The following LPCAT1 variants were observed in gnomAD, a reference collection of about 807,000 sequenced individuals.
LPCAT1 encodes the protein 1-acylglycerol-3-phosphate O-acyltransferase.
Under a neutral mutation model 60.9 loss-of-function variants are expected in LPCAT1, and 23 were observed. That is an observed-to-expected ratio of 0.38 (90% CI 0.27 to 0.53). LPCAT1 has a LOEUF of 0.53. Ranked by LOEUF, LPCAT1 falls within the 20% of genes least tolerant of loss-of-function variation. The probability of loss-of-function intolerance (pLI) is 0.82; values close to 1 mark genes in which losing one functional copy is unlikely to be tolerated. For synonymous variants in LPCAT1, 340 were observed against 301.1 expected (o/e 1.13, Z -1.34); for missense variants, 622 against 723.6 (o/e 0.86, Z 1.61).
At position 1,521,591 on chromosome 5, in the gene LPCAT1, G is replaced by T; in HGVS notation, c.135+2119C>A. 1 of 481,924 alleles carries T rather than the reference G, an allele frequency of 2.1e-6. No individual in the cohort carries two copies. The highest frequency in any genetic ancestry group is 2.7e-6 in the Non-Finnish European group (1 of 370,164). The allele number at this position is 481,924 out of a possible 1,614,324, so 29.9% of individuals were successfully genotyped here. ...GAACGTTTACAAACTAAACCCTTGAGCCACACATTGCAGACATCCAGCAGA... is the reference window on the plus strand; with the variant it reads ...GAACGTTTACAAACTAAACCCTTGATCCACACATTGCAGACATCCAGCAGA... On this transcript the variant is annotated intron_variant, in intron 1 of 13. Coordinates refer to ENST00000283415, the MANE Select transcript of LPCAT1 (RefSeq NM_024830.5). The surrounding 1 kb of genome is among the most constrained non-coding windows in gnomAD (Gnocchi z 4.3).
chr5:1,469,746 A>G (rs34332639), intron 12 of LPCAT1, among the ~76,000 whole-genome samples: 46,940 of 151,768 alleles, frequency 0.31, 8,491 homozygotes, highest in East Asian at 0.48. Context: ...GCACCACTGC[A>G]CTCCAGCCTG....
rs188316572 is a variant in LPCAT1 at position 1,483,065 on chromosome 5, G to A, written c.726+363C>T. On this transcript the variant is annotated intron_variant, in intron 6 of 13. Coordinates refer to ENST00000283415, the MANE Select transcript of LPCAT1 (RefSeq NM_024830.5). The surrounding 1 kb of genome is among the most constrained non-coding windows in gnomAD (Gnocchi z 9.2). ...CTGAAAGCTGCTGGGGGCCCTGGCC[G>A]GTGATGTGGGGTGGAGGGGTTCCCT... is the stretch of plus-strand genomic sequence containing the variant. Among the ~76,000 whole-genome samples the A allele has an allele frequency of 2.0e-5, 3 of 152,322 alleles. No homozygotes were observed. The highest frequency in any genetic ancestry group is 1.9e-4 in the East Asian group (1 of 5,182).
rs1735247114 is a variant in LPCAT1 at position 1,483,564 on chromosome 5, T to C, written c.668-78A>G. 15 of 1,488,900 alleles carry C rather than the reference T, an allele frequency of 1.0e-5. No homozygotes were observed. The South Asian group carries it at 1.8e-4, about 17-fold the overall frequency. 92.2% of individuals were successfully genotyped at this position (1,488,900 alleles called of 1,614,324 possible). On this transcript the variant is annotated intron_variant, in intron 5 of 13. Coordinates refer to ENST00000283415, the MANE Select transcript of LPCAT1 (RefSeq NM_024830.5). The surrounding 1 kb of genome is among the most constrained non-coding windows in gnomAD (Gnocchi z 9.2). Reference sequence around the variant, plus strand: ...TCTGCTGCGTTTCTCATGCTGCCCTTGGGATAAAAGTGAGCTTTTCTGTCT... The same window carrying C: ...TCTGCTGCGTTTCTCATGCTGCCCTCGGGATAAAAGTGAGCTTTTCTGTCT...
intron 11 of LPCAT1, among the ~76,000 whole-genome samples, 174 bp from the exon 12 acceptor site, chr5:1,471,098 G>A (rs576345332): frequency 1.3e-5 from 2 of 152,346 alleles, no homozygotes; most frequent in South Asian, 4.1e-4. Context: ...GGTTCTCCAA[G>A]GTCACTGTGC....
chr5:1,463,761 C>T lies in LPCAT1; in HGVS notation c.1495G>A (p.Glu499Lys), dbSNP rs137984614. Residue 499 changes from glutamate (E) to lysine (K), a missense_variant, in exon 14 of 14, where the codon GAA (glutamate) becomes AAA (lysine). Glu to Lys is a moderately conservative substitution (Grantham distance 56). Coordinates refer to ENST00000283415, the MANE Select transcript of LPCAT1 (RefSeq NM_024830.5). Reference protein sequence around the residue: ...EYLYPDQTHFESCAETSPAPI... With the variant: ...EYLYPDQTHFKSCAETSPAPI... Reference sequence around the variant, plus strand: ...GCAGGTGAGGTCTCTGCACAGCTTTCGAAATGTGTCTGATCCGGGTACAGG... The same window carrying T: ...GCAGGTGAGGTCTCTGCACAGCTTTTGAAATGTGTCTGATCCGGGTACAGG... 2.3e-5 allele frequency: 37 copies of T among 1,614,134 alleles called. No homozygotes were observed. Among genetic ancestry groups the T allele is most frequent in the Non-Finnish European group, 3.0e-5 (35 of 1,180,054 alleles).
At chr5:1,509,655 G>T (rs542809506) in intron 1 of LPCAT1, among the ~76,000 whole-genome samples, 19 of 152,228 alleles carry the variant, frequency 1.2e-4, no homozygotes, top group Non-Finnish European at 7.4e-5. Flanking sequence ...AGCAGGAAAC[G>T]CCCTCCTTTT....
chr5:1,485,521 G>A (rs1024378303), intron 5 of LPCAT1, among the ~76,000 whole-genome samples: 6 of 152,166 alleles, frequency 3.9e-5, no homozygotes, highest in African/African-American at 1.4e-4. Context: ...AGCTTGTGCT[G>A]GGCATGGGTC....
rs1054239149 is a variant in LPCAT1 at position 1,476,910 on chromosome 5, C to T, written c.899+494G>A. Among the ~76,000 whole-genome samples, 9 of 152,192 alleles carry T rather than the reference C, an allele frequency of 5.9e-5. No homozygotes were observed. Among genetic ancestry groups the T allele is most frequent in the Non-Finnish European group, 1.3e-4 (9 of 67,986 alleles). On this transcript the variant is annotated intron_variant, in intron 9 of 13. Coordinates refer to ENST00000283415, the MANE Select transcript of LPCAT1 (RefSeq NM_024830.5). The surrounding 1 kb of genome is among the most constrained non-coding windows in gnomAD (Gnocchi z 8.6). ...GCAGGGGACCTGGGACCATGGGAAG[C>T]GAGGACATTCCCTCTTCCTAACTGC...
intron 10 of LPCAT1, 101 bp downstream of exon 10, chr5:1,474,459 T>C: frequency 7.3e-7 from 1 of 1,363,944 alleles, no homozygotes; most frequent in Non-Finnish European, 1.0e-6. Flanking sequence ...AATTAATAAT[T>C]ATCTCCTCAG....
intron 1 of LPCAT1, among the ~76,000 whole-genome samples, chr5:1,508,058 G>C (rs925646390): frequency 6.6e-5 from 10 of 152,340 alleles, no homozygotes; most frequent in Admixed American, 2.0e-4. Context: ...TGACCCGGAG[G>C]GGGTCCTTGG....
chr5:1,513,588 G>A (rs55830591), intron 1 of LPCAT1, among the ~76,000 whole-genome samples: 5 of 152,194 alleles, frequency 3.3e-5, no homozygotes, highest in South Asian at 2.1e-4. Context: ...GCGGGGACTC[G>A]GTTACACCTG....
In LPCAT1 at chr5:1,463,486, C is replaced by T; in HGVS notation, c.*165G>A. 1.4e-6 allele frequency: 1 copy of T among 721,546 alleles called. No individual in the cohort carries two copies. The highest frequency in any genetic ancestry group is 1.9e-5 in the South Asian group (1 of 52,190). The allele number at this position is 721,546 out of a possible 1,614,324, so 44.7% of individuals were successfully genotyped here. A position where few individuals can be genotyped will look rare whatever the true frequency, so the allele number is the denominator to read the frequency against. ...TAAGCGTCGGTTCTGCAACACACTT[C>T]ACAAAGGAACAAGATACAAACAGCC... On this transcript the variant is annotated 3_prime_UTR_variant, in exon 14 of 14. Transcript: ENST00000283415.
rs1315099897 is a variant in LPCAT1, at chr5:1,462,876, GAAA to G, written c.*772_*774del. ...GACTGGAAAAGGATTAAGAAAAGCAGAAAAAGTGTTTTGGGGCTAGGCCCTTGA... is the reference window on the plus strand; with the variant it reads ...GACTGGAAAAGGATTAAGAAAAGCAGAAGTGTTTTGGGGCTAGGCCCTTGA... On this transcript the variant is annotated 3_prime_UTR_variant, in exon 14 of 14. Coordinates refer to ENST00000283415, the MANE Select transcript of LPCAT1 (RefSeq NM_024830.5). 6.6e-6 allele frequency: 1 copy of G among 152,168 alleles called. No homozygotes were observed. The highest frequency in any genetic ancestry group is 1.5e-5 in the Non-Finnish European group (1 of 68,034). 9.4% of individuals were successfully genotyped at this position (152,168 alleles called of 1,614,324 possible). A position where few individuals can be genotyped will look rare whatever the true frequency, so the allele number is the denominator to read the frequency against.
In LPCAT1 at chr5:1,481,831, G is replaced by A. The variant is rs1030487445; in HGVS notation, c.727-855C>T. On this transcript the variant is annotated intron_variant, in intron 6 of 13. Transcript: ENST00000283415. The surrounding 1 kb of genome is among the most constrained non-coding windows in gnomAD (Gnocchi z 7.8). ...GTAAGAAGGAAGAGGTCTTTCAGTC[G>A]TGTGACTACCGGCCCTGACTCCATT... Among the ~76,000 whole-genome samples, 1 of 152,224 alleles carries A rather than the reference G, an allele frequency of 6.6e-6. No individual in the cohort carries two copies. Among genetic ancestry groups the A allele is most frequent in the Non-Finnish European group, 1.5e-5 (1 of 68,044 alleles).
chr5:1,488,582 T>C, intron 4 of LPCAT1, 131 bp from the exon 5 acceptor site: 1 of 607,564 alleles, frequency 1.6e-6, no homozygotes, highest in Non-Finnish European at 2.9e-6. Context: ...TCATATTCAG[T>C]ACGTAAATTA....
At chr5:1,466,618 C>T (rs1217146445) in intron 13 of LPCAT1, 131 bp downstream of exon 13, 2 of 1,004,244 alleles carry the variant, frequency 2.0e-6, no homozygotes, top group Non-Finnish European at 2.7e-6. Context: ...CTTTGTTACA[C>T]AGGGCAGCCT....
chr5:1,468,176 G>T (rs1734516344), intron 12 of LPCAT1, among the ~76,000 whole-genome samples: 1 of 152,146 alleles, frequency 6.6e-6, no homozygotes, highest in Non-Finnish European at 1.5e-5. Context: ...CATGGACCGG[G>T]TCTGCTCCAG....
At chr5:1,484,315 C>A (rs901956289) in intron 5 of LPCAT1, among the ~76,000 whole-genome samples, 2 of 152,242 alleles carry the variant, frequency 1.3e-5, no homozygotes, top group African/African-American at 2.4e-5. Flanking sequence ...TGTGCCCTTG[C>A]GGGCTGGAGC....
rs144946041 is a variant in LPCAT1 at position 1,518,086 on chromosome 5, T to C, written c.135+5624A>G. ...GGACGCCTCAGGGTTCTCGCCCCAC[T>C]CTGAGCACGGCCCTGCGGCCTCTCT... On this transcript the variant is annotated intron_variant, in intron 1 of 13. Coordinates refer to ENST00000283415, the MANE Select transcript of LPCAT1 (RefSeq NM_024830.5). Among the ~76,000 whole-genome samples the C allele has an allele frequency of 2.8e-3, 421 of 152,314 alleles. 1 individual carries two copies. Among genetic ancestry groups the C allele is most frequent in the African/African-American group, 8.5e-3 (353 of 41,568 alleles).
Sources: gnomAD v4.1 joint callset for allele counts (sites outside exome capture counted in the v4.1 genomes callset) on GRCh38, gnomAD v4.1.1 for gene constraint, Gnocchi (gnomAD v3.1) non-coding constraint, MANE v1.5 for transcripts, NCBI Gene and HGNC (gene_info 2026-07-23, HGNC 2026-07-21) for gene names.